Variants in SMAP2 observed in about 807,000 individuals in gnomAD.
SMAP2 encodes the protein small ArfGAP2.
Under a neutral mutation model 56.4 loss-of-function variants are expected in SMAP2, and 25 were observed. The observed-to-expected ratio is 0.44, with a 90% CI of 0.32 to 0.62. The LOEUF (loss-of-function observed/expected upper bound fraction) is 0.62, where lower values mean the gene tolerates loss of function less well. Among genes scored for constraint, SMAP2 ranks in the 20% least tolerant of loss-of-function variants. SMAP2 has a pLI of 0.04. For synonymous variants in SMAP2, 157 were observed against 181.7 expected (o/e 0.86, Z 1.09); for missense variants, 388 against 545.6 (o/e 0.71, Z 2.88).
intron 1 of SMAP2, among the ~76,000 whole-genome samples, chr1:40,392,553 AT>A (rs1644726861): frequency 6.6e-6 from 1 of 152,082 alleles, no homozygotes; most frequent in Non-Finnish European, 1.5e-5. Flanking sequence ...TCCCTCCCCT[AT>A]TCAGAGAAGC....
rs147492595 is a variant in SMAP2 at position 40,384,477 on chromosome 1, T to C, written c.103+10254T>C. Reference sequence around the variant, plus strand: ...CTTGTTTTCTACGTGATTATAAAAGTGTCTAATGAGTTATATGAGACAAGT... The same window carrying C: ...CTTGTTTTCTACGTGATTATAAAAGCGTCTAATGAGTTATATGAGACAAGT... On this transcript the variant is annotated intron_variant, in intron 1 of 9. Transcript: ENST00000372718. Among the ~76,000 whole-genome samples, 135 of 152,354 alleles carry C rather than the reference T, an allele frequency of 8.9e-4. 1 individual carries two copies. The highest frequency in any genetic ancestry group is 3.1e-3 in the African/African-American group (129 of 41,580).
rs770817183 is a variant in SMAP2, at chr1:40,413,011, T to C, written c.403-5T>C. The C allele has an allele frequency of 1.2e-6, 2 of 1,604,744 alleles. No individual in the cohort carries two copies. The highest frequency in any genetic ancestry group is 1.7e-6 in the Non-Finnish European group (2 of 1,174,836). On this transcript the variant is annotated splice_polypyrimidine_tract_variant and splice_region_variant and intron_variant, in intron 4 of 9. Transcript: ENST00000372718. ...TGTGTTCTTTGTCTTGTTAAATCAT[T>C]ATAGAAAGAAAAAGATGACAAGTGG...
At chr1:40,418,341 A>G (rs891840574) in intron 9 of SMAP2, among the ~76,000 whole-genome samples, 4 of 152,198 alleles carry the variant, frequency 2.6e-5, no homozygotes, top group African/African-American at 4.8e-5. Flanking sequence ...AGCTAAGAGA[A>G]TGAAAACTAA....
chr1:40,372,877 GTGAA>G (rs1050314952), upstream of SMAP2, among the ~76,000 whole-genome samples: 2 of 152,146 alleles, frequency 1.3e-5, no homozygotes, highest in African/African-American at 4.8e-5. Context: ...ATCGTGCTCA[GTGAA>G]TGAATGAATG....
intron 1 of SMAP2, among the ~76,000 whole-genome samples, chr1:40,352,780 G>A (rs1382299086): frequency 1.3e-5 from 2 of 152,054 alleles, no homozygotes; most frequent in Non-Finnish European, 2.9e-5. Context: ...CTCCCTCCTT[G>A]GCCTCCTAAA....
intron 1 of SMAP2, among the ~76,000 whole-genome samples, chr1:40,353,257 A>T (rs148660552): frequency 1.9e-4 from 29 of 152,310 alleles, no homozygotes; most frequent in African/African-American, 6.5e-4. Context: ...TTCTTCCTTC[A>T]TTGGAAGATG....
At chr1:40,387,605 A>G (rs2124257466) in intron 1 of SMAP2, among the ~76,000 whole-genome samples, 1 of 143,128 alleles carries the variant, frequency 7.0e-6, no homozygotes, top group East Asian at 2.1e-4. Flanking sequence ...GGACCTAAGG[A>G]ACATAAGGGA....
At chr1:40,382,085 G>A (rs966781515) in intron 1 of SMAP2, among the ~76,000 whole-genome samples, 4 of 152,060 alleles carry the variant, frequency 2.6e-5, no homozygotes, top group Admixed American at 6.6e-5. Flanking sequence ...ATACTTTTCA[G>A]CAAATCTTTT....
chr1:40,397,538 T>C (rs1356416760), intron 1 of SMAP2, among the ~76,000 whole-genome samples: 2 of 152,192 alleles, frequency 1.3e-5, no homozygotes, highest in African/African-American at 4.8e-5. Context: ...TGAAAACTTC[T>C]CCCTTCATTT....
At chr1:40,410,819 T>G (rs1387723982) in intron 4 of SMAP2, among the ~76,000 whole-genome samples, 1 of 152,194 alleles carries the variant, frequency 6.6e-6, no homozygotes, top group African/African-American at 2.4e-5. Flanking sequence ...CCAATAGATA[T>G]GACTATTTAT....
intron 4 of SMAP2, among the ~76,000 whole-genome samples, chr1:40,412,497 G>T (rs1009259334): frequency 6.6e-6 from 1 of 152,032 alleles, no homozygotes; most frequent in African/African-American, 2.4e-5. Flanking sequence ...ATGTTTATTT[G>T]ATTTTAAAAC....
upstream of SMAP2, among the ~76,000 whole-genome samples, chr1:40,371,320 G>A (rs552038508): frequency 2.9e-4 from 44 of 152,172 alleles, no homozygotes; most frequent in South Asian, 8.9e-3. Context: ...GGAGCAGTTT[G>A]CTTTGTTTAT....
At chr1:40,420,296 T>C (rs1308132734) in intron 9 of SMAP2, among the ~76,000 whole-genome samples, 1 of 152,218 alleles carries the variant, frequency 6.6e-6, no homozygotes, top group Non-Finnish European at 1.5e-5. Context: ...ATATAAGTAA[T>C]GGAATGCTAT....
chr1:40,398,555 T>A (rs975268701), intron 1 of SMAP2, among the ~76,000 whole-genome samples: 1 of 152,262 alleles, frequency 6.6e-6, no homozygotes, highest in East Asian at 1.9e-4. Flanking sequence ...TGTAACCTAT[T>A]AATGTTTCTA....
chr1:40,353,548 TTA>T (rs1165628202), intron 1 of SMAP2, among the ~76,000 whole-genome samples: 2 of 152,042 alleles, frequency 1.3e-5, no homozygotes, highest in South Asian at 4.1e-4. Flanking sequence ...TTTTGTATTT[TTA>T]GTAGAGATGG....
intron 5 of SMAP2, among the ~76,000 whole-genome samples, chr1:40,413,493 A>T (rs562585864): frequency 1.3e-5 from 2 of 152,232 alleles, no homozygotes; most frequent in African/African-American, 4.8e-5. Flanking sequence ...AAGTGAGGCC[A>T]TATTAGTCCA....
intron 1 of SMAP2, among the ~76,000 whole-genome samples, chr1:40,359,719 G>A (rs934101070): frequency 5.3e-5 from 8 of 151,966 alleles, no homozygotes; most frequent in Admixed American, 2.0e-4. Flanking sequence ...CATAAGGACT[G>A]CAAATCATCT....
chr1:40,378,767 C>A (rs1461359270), intron 1 of SMAP2, among the ~76,000 whole-genome samples: 1 of 152,134 alleles, frequency 6.6e-6, no homozygotes, highest in Non-Finnish European at 1.5e-5. Flanking sequence ...TGTTTCACCC[C>A]ACCCAACCAC....
At chr1:40,353,394 G>A (rs887252165) in intron 1 of SMAP2, among the ~76,000 whole-genome samples, 1 of 152,094 alleles carries the variant, frequency 6.6e-6, no homozygotes, top group African/African-American at 2.4e-5. Flanking sequence ...TTGAGACAGA[G>A]TTTTGCTCTT....
Sources: allele counts gnomAD v4.1 joint callset (sites outside exome capture counted in the v4.1 genomes callset), GRCh38; gene constraint gnomAD v4.1.1; transcripts MANE v1.5; gene names NCBI Gene and HGNC (gene_info 2026-07-23, HGNC 2026-07-21).